The following SHISAL1 variants were observed in gnomAD, a reference collection of about 807,000 sequenced individuals.
SHISAL1 encodes the protein protein shisa-like-1.
A neutral mutation model predicts 22.6 loss-of-function variants in SHISAL1; 9 were observed. The ratio of observed to expected loss-of-function variants is 0.40; its 90% CI spans 0.24 to 0.70. The LOEUF (loss-of-function observed/expected upper bound fraction) is 0.70. Among genes scored for constraint, SHISAL1 ranks in the 30% least tolerant of loss-of-function variants. SHISAL1 has a pLI of 0.39. For missense variants in SHISAL1, 246 were observed against 270.6 expected (o/e 0.91, Z 0.64); for synonymous variants, 119 against 115.4 (o/e 1.03, Z -0.20).
chr22:44,289,081 G>A lies in SHISAL1; in HGVS notation c.282-3336C>T, dbSNP rs1601795401. Among the ~76,000 whole-genome samples the A allele has an allele frequency of 3.3e-5, 5 of 152,216 alleles. No homozygotes were observed. The East Asian group carries it at 7.7e-4, about 23-fold the overall frequency. On this transcript the variant is annotated intron_variant, in intron 3 of 4. Transcript: ENST00000381176. The stretch of plus-strand genomic sequence containing the variant: ...CTGGAGTTTATAGGCTGCATGTCTT[G>A]TGCGCCAGCAGCTAATAAAAACACT...
the SHISAL1 span, among the ~76,000 whole-genome samples, chr22:44,323,466 A>AC: frequency 9.4e-6 from 1 of 106,726 alleles, no homozygotes; most frequent in Non-Finnish European, 2.0e-5. Flanking sequence ...CCATTCATCC[A>AC]TCCATCCATT....
intron 3 of SHISAL1, 98 bp downstream of exon 3, chr22:44,296,574 G>T (rs775150999): frequency 2.6e-5 from 27 of 1,019,000 alleles, no homozygotes; most frequent in Non-Finnish European, 3.9e-5. Context: ...ACCTTATAGC[G>T]GTTACCCAAC....
chr22:44,262,578 G>C (rs2055132376), intron 4 of SHISAL1, among the ~76,000 whole-genome samples: 1 of 152,250 alleles, frequency 6.6e-6, no homozygotes, highest in African/African-American at 2.4e-5. Flanking sequence ...GGCTCAGAGA[G>C]ACAATGTCAC....
upstream of SHISAL1, among the ~76,000 whole-genome samples, chr22:44,317,079 G>C (rs2055562459): frequency 6.6e-6 from 1 of 152,150 alleles, no homozygotes; most frequent in Admixed American, 6.5e-5. Context: ...CCCTGACCTG[G>C]CACGCTTAAC....
intron 4 of SHISAL1, among the ~76,000 whole-genome samples, chr22:44,282,164 G>A (rs1050153862): frequency 6.6e-6 from 1 of 152,122 alleles, no homozygotes; most frequent in Non-Finnish European, 1.5e-5. Flanking sequence ...AGGCTGTGCC[G>A]GCCTCCGCTG....
At chr22:44,298,903 G>A (rs930113530) in intron 2 of SHISAL1, among the ~76,000 whole-genome samples, 5 of 152,196 alleles carry the variant, frequency 3.3e-5, no homozygotes, top group African/African-American at 7.2e-5. Context: ...AAGCCTCCCC[G>A]GCTGCCTTCC....
intron 4 of SHISAL1, among the ~76,000 whole-genome samples, chr22:44,251,505 A>ATT (rs1184469173): frequency 6.6e-6 from 1 of 152,168 alleles, no homozygotes; most frequent in African/African-American, 2.4e-5. Flanking sequence ...GTATTAGTCC[A>ATT]TTTTCACGCT....
intron 4 of SHISAL1, among the ~76,000 whole-genome samples, chr22:44,278,335 G>T (rs2055253665): frequency 6.6e-6 from 1 of 152,172 alleles, no homozygotes. Context: ...CCTATTGTGG[G>T]ACTTTGTGAT....
chr22:44,252,302 CAAGAG>C (rs1569206315), intron 4 of SHISAL1, among the ~76,000 whole-genome samples: 1 of 151,950 alleles, frequency 6.6e-6, no homozygotes, highest in East Asian at 1.9e-4. Flanking sequence ...AGCAGGGAGA[CAAGAG>C]GAGGGGAAGT....
intron 1 of SHISAL1, among the ~76,000 whole-genome samples, chr22:44,307,999 T>C (rs1334908840): frequency 1.3e-5 from 2 of 152,278 alleles, no homozygotes; most frequent in East Asian, 3.9e-4. Flanking sequence ...GCCCCACTTC[T>C]GGGCACGACC....
chr22:44,253,649 C>T (rs558507345), intron 4 of SHISAL1, among the ~76,000 whole-genome samples: 5 of 149,398 alleles, frequency 3.3e-5, no homozygotes, highest in South Asian at 4.3e-4. Context: ...ACCATGTTGG[C>T]CAGTCTGGTC....
chr22:44,262,607 C>G (rs1010932910), intron 4 of SHISAL1, among the ~76,000 whole-genome samples: 1 of 152,232 alleles, frequency 6.6e-6, no homozygotes, highest in African/African-American at 2.4e-5. Flanking sequence ...AACTGCATAT[C>G]TAGCTAGCAG....
chr22:44,280,829 G>A (rs1179432152), intron 4 of SHISAL1, among the ~76,000 whole-genome samples: 11 of 152,178 alleles, frequency 7.2e-5, no homozygotes, highest in Non-Finnish European at 8.8e-5. Context: ...GGGAGGCTCG[G>A]GGCAGGCAGG....
chr22:44,255,296 C>A (rs1424703174), intron 4 of SHISAL1, among the ~76,000 whole-genome samples: 1 of 152,138 alleles, frequency 6.6e-6, no homozygotes, highest in East Asian at 1.9e-4. Context: ...TGATGGCCAA[C>A]GTGTCTACTC....
chr22:44,253,091 T>C (rs1026784745), intron 4 of SHISAL1, among the ~76,000 whole-genome samples: 1 of 152,044 alleles, frequency 6.6e-6, no homozygotes, highest in Non-Finnish European at 1.5e-5. Context: ...GAGAAGTACT[T>C]AATACCCCTG....
intron 2 of SHISAL1, 71 bp from the exon 3 acceptor site, chr22:44,296,956 G>A: frequency 8.1e-7 from 1 of 1,231,336 alleles, no homozygotes; most frequent in South Asian, 1.3e-5. Context: ...CAGGGGGACT[G>A]GCCGGCCTCT....
rs570595554 is a variant in SHISAL1, at chr22:44,284,897, G to GCCTGCCTTCCTTCCTT, written c.599+530_599+531insAAGGAAGGAAGGCAGG. Among the ~76,000 whole-genome samples, 224 of 134,582 alleles carry GCCTGCCTTCCTTCCTT rather than the reference G, an allele frequency of 1.7e-3. 1 individual carries two copies. The highest frequency in any genetic ancestry group is 0.015 in the East Asian group (70 of 4,520). The allele number at this position is 134,582 out of a possible 152,430, so 88.3% of individuals were successfully genotyped here. On this transcript the variant is annotated intron_variant, in intron 4 of 4. Coordinates refer to ENST00000381176, the MANE Select transcript of SHISAL1 (RefSeq NM_001099294.2). ...TGAGATGCCACCTCTCTGCCTTCCTGCCTTCCTTCCTTCCTTCCTTCCTTC... is the reference window on the plus strand; with the variant it reads ...TGAGATGCCACCTCTCTGCCTTCCTGCCTGCCTTCCTTCCTTCCTTCCTTCCTTCCTTCCTTCCTTC...
intron 4 of SHISAL1, among the ~76,000 whole-genome samples, chr22:44,266,523 G>GGGGTGT (rs1555926274): frequency 4.1e-5 from 3 of 72,552 alleles, no homozygotes; most frequent in Non-Finnish European, 6.6e-5. Context: ...TGGGGGCTTT[G>GGGGTGT]GGGTATGTGT....
chr22:44,291,872 G>A (rs956310213), intron 3 of SHISAL1, among the ~76,000 whole-genome samples: 2 of 152,198 alleles, frequency 1.3e-5, no homozygotes, highest in Admixed American at 1.3e-4. Flanking sequence ...AGTCTGAGTC[G>A]CCATTGCTGG....
Sources: gnomAD v4.1 joint callset for allele counts (sites outside exome capture counted in the v4.1 genomes callset) on GRCh38, gnomAD v4.1.1 for gene constraint, MANE v1.5 for transcripts, NCBI Gene and HGNC (gene_info 2026-07-23, HGNC 2026-07-21) for gene names.